Variants in IFT56 observed in about 807,000 individuals in gnomAD.
The protein encoded by IFT56 is intraflagellar transport 56, also known as intraflagellar transport protein 56.
At chr7:139,179,549 T>G in the IFT56 span, 4 of 1,605,416 alleles carry the variant, frequency 2.5e-6, no homozygotes, top group Non-Finnish European at 3.4e-6. Context: ...CTCATGTGTA[T>G]TCCCTTTCTT....
At chr7:139,168,447 T>C in the IFT56 span, 1 of 1,413,380 alleles carries the variant, frequency 7.1e-7, no homozygotes, top group East Asian at 2.3e-5. Context: ...TATAAGTGTA[T>C]GGAAGAGAAC....
the IFT56 span, among the ~76,000 whole-genome samples, chr7:139,155,475 C>T: frequency 2.6e-5 from 4 of 152,176 alleles, no homozygotes; most frequent in African/African-American, 7.2e-5. Context: ...GGTGGGGGAA[C>T]TTCCAAATGT....
At chr7:139,146,117 T>C in the IFT56 span, among the ~76,000 whole-genome samples, 2 of 152,210 alleles carry the variant, frequency 1.3e-5, no homozygotes, top group African/African-American at 4.8e-5. Context: ...CATGAACATT[T>C]TTCCATGTAA....
At chr7:139,181,059 C>T in the IFT56 span, 6 of 1,363,318 alleles carry the variant, frequency 4.4e-6, no homozygotes, top group Non-Finnish European at 5.2e-6. Flanking sequence ...AAAAATGACT[C>T]ATTTGTTTAC....
the IFT56 span, among the ~76,000 whole-genome samples, chr7:139,163,072 C>G: frequency 6.6e-6 from 1 of 151,622 alleles, no homozygotes; most frequent in East Asian, 2.0e-4. Flanking sequence ...AGGCCGGGTG[C>G]GGTGACTCAT....
the IFT56 span, chr7:139,168,214 G>A: frequency 1.9e-6 from 1 of 531,782 alleles, no homozygotes; most frequent in Non-Finnish European, 3.2e-6. Context: ...GCCAGGGATA[G>A]AACAGAGAAA....
the IFT56 span, chr7:139,147,212 G>A: frequency 1.3e-5 from 21 of 1,613,610 alleles, no homozygotes; most frequent in Non-Finnish European, 1.8e-5. Flanking sequence ...GATCAACTCA[G>A]TTTGGCCTCA....
the IFT56 span, chr7:139,173,690 T>C: frequency 1.3e-6 from 1 of 771,758 alleles, no homozygotes; most frequent in Non-Finnish European, 2.4e-6. Flanking sequence ...TGGCATAGCA[T>C]GATGGTGACG....
the IFT56 span, chr7:139,191,553 T>C: frequency 6.6e-6 from 1 of 152,244 alleles, no homozygotes; most frequent in Non-Finnish European, 1.5e-5. Flanking sequence ...TTCAGCACTC[T>C]AGATTCTCTC....
the IFT56 span, among the ~76,000 whole-genome samples, chr7:139,177,054 C>T: frequency 6.6e-6 from 1 of 151,732 alleles, no homozygotes; most frequent in Admixed American, 6.6e-5. Flanking sequence ...TGCCTGTAAT[C>T]CCATCTACTT....
the IFT56 span, among the ~76,000 whole-genome samples, chr7:139,157,440 C>G: frequency 6.6e-6 from 1 of 150,936 alleles, no homozygotes; most frequent in Non-Finnish European, 1.5e-5. Flanking sequence ...AGCCACCGTG[C>G]CCGGCCAGAC....
chr7:139,139,954 C>T, the IFT56 span: 3 of 1,612,554 alleles, frequency 1.9e-6, no homozygotes, highest in Admixed American at 5.0e-5. Context: ...CTAGCTTGCA[C>T]CTACTTCTTT....
At chr7:139,164,124 G>A in the IFT56 span, among the ~76,000 whole-genome samples, 1 of 152,176 alleles carries the variant, frequency 6.6e-6, no homozygotes, top group African/African-American at 2.4e-5. Flanking sequence ...CACTTGAATA[G>A]TCTGTGGTGA....
chr7:139,172,526 C>T, the IFT56 span: 2 of 486,666 alleles, frequency 4.1e-6, no homozygotes, highest in Admixed American at 2.5e-5. Context: ...ATAAATTGCC[C>T]GGAGATTCTT....
At chr7:139,144,719 C>T in the IFT56 span, among the ~76,000 whole-genome samples, 33 of 152,134 alleles carry the variant, frequency 2.2e-4, no homozygotes, top group African/African-American at 7.7e-4. Context: ...TGTGTCTAAC[C>T]AGCTATTCCA....
At chr7:139,151,363 A>C in the IFT56 span, among the ~76,000 whole-genome samples, 1 of 152,152 alleles carries the variant, frequency 6.6e-6, no homozygotes, top group African/African-American at 2.4e-5. Flanking sequence ...AATGTAAGAC[A>C]GTGGTTTAAA....
At chr7:139,191,463 TTGCTATTA>T in the IFT56 span, 1 of 152,216 alleles carries the variant, frequency 6.6e-6, no homozygotes, top group African/African-American at 2.4e-5. Flanking sequence ...TTCCAGTGAA[TTGCTATTA>T]TTTTCAAATT....
At chr7:139,137,871 G>A in the IFT56 span, 93 of 1,613,468 alleles carry the variant, frequency 5.8e-5, 1 homozygote, top group Non-Finnish European at 1.0e-5. Context: ...TGGGGAAGAA[G>A]AAGAGGATAC....
the IFT56 span, among the ~76,000 whole-genome samples, chr7:139,138,854 A>G: frequency 1.4e-5 from 2 of 141,882 alleles, no homozygotes. Context: ...TCTGTCACCC[A>G]GGCTGGAATG....
Sources: allele counts gnomAD v4.1 joint callset (sites outside exome capture counted in the v4.1 genomes callset), GRCh38; gene constraint gnomAD v4.1.1; transcripts MANE v1.5; gene names NCBI Gene and HGNC (gene_info 2026-07-23, HGNC 2026-07-21).